The following ATP13A1 variants were observed in gnomAD, a reference collection of about 807,000 sequenced individuals.
The protein encoded by ATP13A1 is ATPase 13A1.
Under a neutral mutation model 134.8 loss-of-function variants are expected in ATP13A1, and 55 were observed. That is an observed-to-expected ratio of 0.41 (90% CI 0.33 to 0.51). The LOEUF is 0.51. ATP13A1 is among the 20% of genes least tolerant of loss of function. ATP13A1 has a pLI of 0.29. For synonymous variants in ATP13A1, 775 were observed against 725.1 expected, an observed-to-expected ratio of 1.07 and a Z score of -1.10; for missense variants, 1,389 against 1,652.8, an observed-to-expected ratio of 0.84 and a Z score of 2.77.
At chr19:19,649,522 C>CT (rs1454497392) in intron 19 of ATP13A1, 45 bp downstream of exon 19, 1 of 1,583,140 alleles carries the variant, frequency 6.3e-7, no homozygotes, top group Admixed American at 1.8e-5. Flanking sequence ...GACATGTCCT[C>CT]AACACCTCGT....
At position 19,655,609 on chromosome 19, in the gene ATP13A1, C is replaced by T. The variant is rs2062052355; in HGVS notation, c.1315G>A (p.Ala439Thr). 6.2e-7 allele frequency: 1 copy of T among 1,613,874 alleles called. No individual in the cohort carries two copies. Among genetic ancestry groups the T allele is most frequent in the Non-Finnish European group, 8.5e-7 (1 of 1,179,838 alleles). Reference protein sequence around the residue: ...TILFGVKRVTANNLETFIFIL... With the variant: ...TILFGVKRVTTNNLETFIFIL... Reference sequence around the variant, plus strand: ...AAGATGAAGGTCTCCAGGTTGTTCGCAGTCACCCTCTTGACCCCGAAGAGG... The same window carrying T: ...AAGATGAAGGTCTCCAGGTTGTTCGTAGTCACCCTCTTGACCCCGAAGAGG... The change falls in exon 10 of 26, where the codon GCG becomes ACG. Residue 439 changes from alanine to threonine, a missense_variant. This residue lies in a region of ATP13A1 where 747 missense variants were observed against 956.1 expected (regional missense o/e 0.78). Coordinates refer to ENST00000357324, the MANE Select transcript of ATP13A1 (RefSeq NM_020410.3). The surrounding 1 kb of genome is among the most constrained non-coding windows in gnomAD (Gnocchi z 5.7).
At position 19,653,879 on chromosome 19, in the gene ATP13A1, G is replaced by A. The variant is rs1434579248; in HGVS notation, c.2005C>T (p.Pro669Ser). Residue 669 changes from proline to serine, a missense_variant, in exon 15 of 26, where the codon CCC becomes TCC. Around this residue, in one of 4 missense-constraint regions of ATP13A1, gnomAD observed 747 missense variants for 956.1 expected, o/e 0.78. Transcript: ENST00000357324. This position sits in a 1 kb window ranked among gnomAD's most constrained non-coding sequence, Gnocchi z 4.2. ...TCGGTGTGGATGTGGTGGTAGTCGG[G>A]CGGGCACTGGGAGAACTGCAGGGAA... ...TLHSMFSQCP[P>S]DYHHIHTEIS... The A allele has an allele frequency of 1.9e-6, 3 of 1,566,582 alleles. No individual in the cohort carries two copies. Among genetic ancestry groups the A allele is most frequent in the Middle Eastern group, 1.7e-4 (1 of 5,990 alleles).
At chr19:19,651,631 G>A (rs2062025264) in intron 17 of ATP13A1, 58 bp downstream of exon 17, 5 of 1,395,018 alleles carry the variant, frequency 3.6e-6, no homozygotes, top group Admixed American at 4.0e-5. Flanking sequence ...GTTGCGATGG[G>A]AGCTGTTCTT....
chr19:19,663,097 G>A, intron 1 of ATP13A1, 174 bp downstream of exon 1: 1 of 930,560 alleles, frequency 1.1e-6, no homozygotes. Flanking sequence ...TGCACAGCAA[G>A]TCAGCAGTGG....
At position 19,659,631 on chromosome 19, in the gene ATP13A1, C is replaced by T. The variant is rs751558104; in HGVS notation, c.647G>A (p.Arg216Gln). The T allele has an allele frequency of 6.2e-6, 10 of 1,613,132 alleles. No individual in the cohort carries two copies. The highest frequency in any genetic ancestry group is 3.3e-5 in the Admixed American group (2 of 59,964). ...GCTCCCAAATTTCTTCTCAGCTGCT[C>T]GGATCTCTGAGTCTTCCTGGAAGCC... is the stretch of plus-strand genomic sequence containing the variant. The part of the protein sequence containing the change: ...NRGFQEDSEI[R>Q]AAEKKFGSNK... Residue 216 changes from arginine (R) to glutamine (Q), a missense_variant, in exon 3 of 26, where the codon CGA becomes CAA. Arg to Gln is a conservative substitution (Grantham distance 43). Coordinates refer to ENST00000357324, the MANE Select transcript of ATP13A1 (RefSeq NM_020410.3).
chr19:19,654,811 T>A, intron 12 of ATP13A1, 111 bp from the exon 13 acceptor site: 1 of 1,331,818 alleles, frequency 7.5e-7, no homozygotes, highest in African/African-American at 1.5e-5. Context: ...GTCACTGGGG[T>A]GGCTTGGGCG....
chr19:19,648,498 C>CAAA (rs35645918), intron 19 of ATP13A1, among the ~76,000 whole-genome samples: 93 of 100,104 alleles, frequency 9.3e-4, no homozygotes, highest in East Asian at 7.5e-3. Flanking sequence ...TGAGTTCTTG[C>CAAA]AAAAAAAAAA....
chr19:19,646,798 G>C (rs2144895972), intron 22 of ATP13A1: 1 of 405,704 alleles, frequency 2.5e-6, no homozygotes, highest in Non-Finnish European at 4.5e-6. Flanking sequence ...GGCCTCCCCA[G>C]CTGTCCACCA....
chr19:19,661,716 A>C (rs2145023716), intron 1 of ATP13A1, among the ~76,000 whole-genome samples: 1 of 152,310 alleles, frequency 6.6e-6, no homozygotes, highest in Non-Finnish European at 1.5e-5. Flanking sequence ...GTGAACCGCC[A>C]TCCATTCCTC....
rs370903793 is a variant in ATP13A1, at chr19:19,649,833, C to T, written c.2443G>A (p.Gly815Ser). The change falls in exon 18 of 26, where the codon GGC becomes AGC. Residue 815 changes from glycine to serine, a missense_variant. By Grantham distance (56) the Gly-to-Ser change is moderately conservative. This residue lies in a region of ATP13A1 where 747 missense variants were observed against 956.1 expected (regional missense o/e 0.78). Transcript: ENST00000357324. ...LEYALCLTGD[G>S]LAHLQATDPQ... ...TCGGTGGCCTGCAGGTGGGCCAAGC[C>T]GTCGCCTGTGAGGCACAGTGCGTAC... 1.3e-5 allele frequency: 21 copies of T among 1,603,180 alleles called. No individual in the cohort carries two copies. Among genetic ancestry groups the T allele is most frequent in the African/African-American group, 1.1e-4 (8 of 74,972 alleles).
intron 3 of ATP13A1, among the ~76,000 whole-genome samples, chr19:19,659,321 T>TG (rs904960958): frequency 1.3e-5 from 2 of 151,970 alleles, no homozygotes; most frequent in African/African-American, 2.4e-5. Flanking sequence ...CCAGGCGTGG[T>TG]GGGGGGAGCC....
chr19:19,655,909 T>TAGGCCACGCACCCGC lies in ATP13A1; in HGVS notation c.1223_1237dup (p.Ala412_Tyr413insCysGlyCysValAla). 1 of 1,598,896 alleles carries TAGGCCACGCACCCGC rather than the reference T, an allele frequency of 6.3e-7. No individual in the cohort carries two copies. Among genetic ancestry groups the TAGGCCACGCACCCGC allele is most frequent in the Non-Finnish European group, 8.5e-7 (1 of 1,177,188 alleles). On this transcript the variant is annotated inframe_insertion, in exon 9 of 26. Coordinates refer to ENST00000357324, the MANE Select transcript of ATP13A1 (RefSeq NM_020410.3). The surrounding 1 kb of genome is among the most constrained non-coding windows in gnomAD (Gnocchi z 5.7). ...TGTGTTGAATCCGGTCCGCAGGACGTAGGCCACGCACCCGCTGTCAACCGC... is the reference window on the plus strand; with the variant it reads ...TGTGTTGAATCCGGTCCGCAGGACGTAGGCCACGCACCCGCAGGCCACGCACCCGCTGTCAACCGC...
intron 22 of ATP13A1, 59 bp from the exon 23 acceptor site, chr19:19,646,406 C>A: frequency 6.3e-7 from 1 of 1,599,424 alleles, no homozygotes; most frequent in Non-Finnish European, 8.5e-7. Flanking sequence ...CCACCCTGCC[C>A]ACACAGCAGG....
At position 19,645,308 on chromosome 19, in the gene ATP13A1, C is replaced by T. The variant is rs148015026; in HGVS notation, c.*114G>A. 558 of 1,216,846 alleles carry T rather than the reference C, an allele frequency of 4.6e-4. 1 individual carries two copies. In the African/African-American group the frequency reaches 7.2e-3, roughly 16 times the overall value. 75.4% of individuals were successfully genotyped at this position (1,216,846 alleles called of 1,614,324 possible). On this transcript the variant is annotated 3_prime_UTR_variant, in exon 26 of 26. Transcript: ENST00000357324. This position sits in a 1 kb window ranked among gnomAD's most constrained non-coding sequence, Gnocchi z 4.1. The stretch of plus-strand genomic sequence containing the variant: ...GGGTCCCAGCTCAGTCTTCCAAGGG[C>T]GAGACTGTACAGCCTTGCTGTGGGG...
At chr19:19,648,840 G>C (rs867691943) in intron 19 of ATP13A1, among the ~76,000 whole-genome samples, 2 of 145,610 alleles carry the variant, frequency 1.4e-5, no homozygotes, top group Non-Finnish European at 1.5e-5. Flanking sequence ...GGCAGGGTTC[G>C]GTGGGATGCA....
At position 19,656,806 on chromosome 19, in the gene ATP13A1, G is replaced by A; in HGVS notation, c.977-40C>T. On this transcript the variant is annotated intron_variant, in intron 6 of 25. Coordinates refer to ENST00000357324, the MANE Select transcript of ATP13A1 (RefSeq NM_020410.3). This position sits in a 1 kb window ranked among gnomAD's most constrained non-coding sequence, Gnocchi z 4.6. ...CAGGAGGGTTGGCCAGAGGCCCTGA[G>A]GCTGGGGCTCCCACTGGGACTGAGC... 1.9e-6 allele frequency: 3 copies of A among 1,612,464 alleles called. No individual in the cohort carries two copies. Among genetic ancestry groups the A allele is most frequent in the African/African-American group, 1.3e-5 (1 of 75,034 alleles).
Position 19,656,080 on chromosome 19 carries a change from G to A in ATP13A1, c.1187C>T (p.Pro396Leu). 1 of 1,613,544 alleles carries A rather than the reference G, an allele frequency of 6.2e-7. No individual in the cohort carries two copies. The change falls in exon 8 of 26, where the codon CCA becomes CTA. Residue 396 changes from proline to leucine, a missense_variant. By Grantham distance (98) the Pro-to-Leu change is moderately conservative (BLOSUM62 -3). This residue lies in a region of ATP13A1 where 747 missense variants were observed against 956.1 expected (regional missense o/e 0.78). Transcript: ENST00000357324. This position sits in a 1 kb window ranked among gnomAD's most constrained non-coding sequence, Gnocchi z 4.6. The stretch of plus-strand genomic sequence containing the variant: ...CTTCAGGCCCGTGGTGGCTTTCTGT[G>A]GGGGGATGTGCTGCACCACCTTGGT... Reference protein sequence around the residue: ...GGTKVVQHIPPQKATTGLKPV... With the variant: ...GGTKVVQHIPLQKATTGLKPV...
At position 19,663,493 on chromosome 19, in the gene ATP13A1, C is replaced by T. The variant is rs1395132931; in HGVS notation, c.174G>A (p.Arg58=). 2.6e-6 allele frequency: 4 copies of T among 1,535,720 alleles called. No individual in the cohort carries two copies. The highest frequency in any genetic ancestry group is 1.4e-5 in the African/African-American group (1 of 72,966). ...ELVAAVWPYR[R]LALLRRLTVL... ...CCGTGAGGCGCCGCAACAGCGCCAA[C>T]CGCCGGTACGGCCACACGGCAGCCA... Residue 58 remains arginine, a synonymous_variant, in exon 1 of 26, where the codon CGG becomes CGA. Transcript: ENST00000357324.
rs746895912 is a variant in ATP13A1 at position 19,645,993 on chromosome 19, G to A, written c.3249-8C>T. On this transcript the variant is annotated splice_region_variant and splice_polypyrimidine_tract_variant and intron_variant, in intron 23 of 25. Coordinates refer to ENST00000357324, the MANE Select transcript of ATP13A1 (RefSeq NM_020410.3). This position sits in a 1 kb window ranked among gnomAD's most constrained non-coding sequence, Gnocchi z 4.1. ...TCCACGAACTGCTCCTGCCTGCAAG[G>A]ACACATGGGAGTCAGGGCCCCCTCT... The A allele has an allele frequency of 5.0e-6, 8 of 1,610,680 alleles. No homozygotes were observed. Among genetic ancestry groups the A allele is most frequent in the Middle Eastern group, 1.6e-4 (1 of 6,062 alleles).
Sources: gnomAD v4.1 joint callset for allele counts (sites outside exome capture counted in the v4.1 genomes callset) on GRCh38, gnomAD v4.1.1 for gene constraint, gnomAD v4.1.1 regional missense constraint, Gnocchi (gnomAD v3.1) non-coding constraint, MANE v1.5 for transcripts, NCBI Gene and HGNC (gene_info 2026-07-23, HGNC 2026-07-21) for gene names.